CCSER1: variants seen among roughly 807,000 people sequenced by gnomAD.
CCSER1 encodes serine-rich coiled-coil domain-containing protein 1.
In CCSER1, 41 loss-of-function variants were observed where a neutral mutation model predicts 82.0. The observed-to-expected ratio is 0.50, with a 90% CI of 0.39 to 0.65. The LOEUF (loss-of-function observed/expected upper bound fraction) is 0.65. CCSER1 is among the 30% of genes least tolerant of loss of function. The probability of loss-of-function intolerance (pLI) is 0.00; values close to 1 mark genes in which losing one functional copy is unlikely to be tolerated. For synonymous variants in CCSER1, 414 were observed against 383.9 expected, an observed-to-expected ratio of 1.08 and a Z score of -0.92; for missense variants, 1,119 against 1,064.2, an observed-to-expected ratio of 1.05 and a Z score of -0.72.
intron 9 of CCSER1, among the ~76,000 whole-genome samples, chr4:91,059,338 TATG>T (rs2148730863): frequency 6.7e-6 from 1 of 148,934 alleles, no homozygotes; most frequent in East Asian, 2.0e-4. Flanking sequence ...AGTGTATATA[TATG>T]TGTATATATA....
chr4:91,556,045 TTAAATGAGTTAAG>T lies in CCSER1; in HGVS notation c.2218-42519_2218-42507del, dbSNP rs767450950. Among the ~76,000 whole-genome samples, 10 of 151,294 alleles carry T rather than the reference TTAAATGAGTTAAG, an allele frequency of 6.6e-5. 1 individual carries two copies. Among genetic ancestry groups the T allele is most frequent in the Non-Finnish European group, 1.3e-4 (9 of 67,570 alleles). ...TGATAAATACTGGTAAAAGAAAAAC[TTAAATGAGTTAAG>T]TAAATGAAACGTGCCTTAGCACATA... On this transcript the variant is annotated intron_variant, in intron 10 of 10. Transcript: ENST00000509176.
chr4:91,516,655 T>G (rs1760139776), intron 10 of CCSER1, among the ~76,000 whole-genome samples: 1 of 152,192 alleles, frequency 6.6e-6, no homozygotes, highest in South Asian at 2.1e-4. Flanking sequence ...GCTTCCAGCT[T>G]TGTTCTTTTT....
chr4:91,120,376 A>G (rs958754641), intron 10 of CCSER1, among the ~76,000 whole-genome samples: 3 of 151,990 alleles, frequency 2.0e-5, no homozygotes, highest in African/African-American at 7.2e-5. Context: ...ATGATGATGG[A>G]TACTGAAAGA....
intron 10 of CCSER1, among the ~76,000 whole-genome samples, chr4:91,236,849 A>G (rs1739048333): frequency 6.6e-6 from 1 of 152,210 alleles, no homozygotes; most frequent in Non-Finnish European, 1.5e-5. Context: ...GATAGAAGCT[A>G]GATTGAAATC....
chr4:91,404,098 T>A (rs1752524331), intron 10 of CCSER1, among the ~76,000 whole-genome samples: 1 of 152,186 alleles, frequency 6.6e-6, no homozygotes, highest in African/African-American at 2.4e-5. Flanking sequence ...TACTCAGGGA[T>A]TCAACTTCTT....
intron 8 of CCSER1, among the ~76,000 whole-genome samples, chr4:90,839,463 A>G (rs754890037): frequency 6.6e-6 from 1 of 152,240 alleles, no homozygotes; most frequent in Non-Finnish European, 1.5e-5. Context: ...TGTTACATCT[A>G]TAGAGCATAT....
chr4:91,133,928 G>A (rs567018212), intron 10 of CCSER1, among the ~76,000 whole-genome samples: 33 of 152,090 alleles, frequency 2.2e-4, no homozygotes, highest in African/African-American at 7.0e-4. Context: ...GTGAAACCCC[G>A]TCTCTACTAA....
intron 10 of CCSER1, among the ~76,000 whole-genome samples, chr4:91,111,850 G>GAA (rs201011412): frequency 2.3e-4 from 18 of 79,106 alleles, no homozygotes; most frequent in Middle Eastern, 0.014. Flanking sequence ...CAATAAAACA[G>GAA]AAAAAAAAAA....
At chr4:90,715,005 A>G (rs1298340626) in intron 6 of CCSER1, among the ~76,000 whole-genome samples, 2 of 151,858 alleles carry the variant, frequency 1.3e-5, no homozygotes, top group Non-Finnish European at 2.9e-5. Flanking sequence ...AATGATTTAT[A>G]TTTATTTATA....
chr4:90,599,900 C>G (rs1783831972), intron 5 of CCSER1, among the ~76,000 whole-genome samples: 1 of 152,188 alleles, frequency 6.6e-6, no homozygotes, highest in Admixed American at 6.5e-5. Context: ...CTCCACACAG[C>G]CACTGCTTAG....
At chr4:91,324,141 A>T (rs1007996862) in intron 10 of CCSER1, among the ~76,000 whole-genome samples, 1 of 152,196 alleles carries the variant, frequency 6.6e-6, no homozygotes, top group African/African-American at 2.4e-5. Flanking sequence ...GTAGAGAGAC[A>T]TGCCTAACAT....
At chr4:90,682,453 T>C (rs1398194507) in intron 6 of CCSER1, among the ~76,000 whole-genome samples, 2 of 152,074 alleles carry the variant, frequency 1.3e-5, no homozygotes, top group Non-Finnish European at 2.9e-5. Context: ...GATTTATTTC[T>C]CCAAAGGACC....
At chr4:91,158,316 G>A (rs939163360) in intron 10 of CCSER1, among the ~76,000 whole-genome samples, 1 of 151,860 alleles carries the variant, frequency 6.6e-6, no homozygotes, top group Non-Finnish European at 1.5e-5. Context: ...ATTCTTGTTG[G>A]CATGGAGTGC....
At chr4:91,326,700 G>A (rs1001479993) in intron 10 of CCSER1, among the ~76,000 whole-genome samples, 1 of 151,994 alleles carries the variant, frequency 6.6e-6, no homozygotes, top group Non-Finnish European at 1.5e-5. Context: ...CTGACATACA[G>A]CAAGTCCCTT....
intron 10 of CCSER1, among the ~76,000 whole-genome samples, chr4:91,144,440 T>C (rs1344736314): frequency 6.6e-6 from 1 of 152,026 alleles, no homozygotes; most frequent in Non-Finnish European, 1.5e-5. Context: ...TTTGTATGAA[T>C]TTTTGGGTCT....
At chr4:91,457,533 G>A (rs1756253953) in intron 10 of CCSER1, among the ~76,000 whole-genome samples, 1 of 152,020 alleles carries the variant, frequency 6.6e-6, no homozygotes, top group Non-Finnish European at 1.5e-5. Flanking sequence ...AGTCATGTGT[G>A]GTGGCGCATG....
At chr4:91,545,085 C>T (rs1232837290) in intron 10 of CCSER1, among the ~76,000 whole-genome samples, 1 of 152,110 alleles carries the variant, frequency 6.6e-6, no homozygotes, top group Admixed American at 6.5e-5. Flanking sequence ...GACTGCTGTG[C>T]TAACACTGAG....
At chr4:91,059,866 A>G (rs1420305837) in intron 9 of CCSER1, among the ~76,000 whole-genome samples, 1 of 152,018 alleles carries the variant, frequency 6.6e-6, no homozygotes, top group African/African-American at 2.4e-5. Flanking sequence ...AAAGTCCTCT[A>G]TTTCCAGCCT....
intron 5 of CCSER1, among the ~76,000 whole-genome samples, chr4:90,525,851 G>C (rs1773692930): frequency 6.6e-6 from 1 of 151,936 alleles, no homozygotes; most frequent in African/African-American, 2.4e-5. Flanking sequence ...TGTTGCCCTG[G>C]CTGGTCTCGA....
Sources: allele counts gnomAD v4.1 joint callset (sites outside exome capture counted in the v4.1 genomes callset), GRCh38; gene constraint gnomAD v4.1.1; transcripts MANE v1.5; gene names NCBI Gene and HGNC (gene_info 2026-07-23, HGNC 2026-07-21).